Variants in TBC1D4 observed in about 807,000 individuals in gnomAD.
The protein encoded by TBC1D4 is TBC1 domain family member 4.
In TBC1D4, 121 loss-of-function variants were observed where a neutral mutation model predicts 142.5. The ratio of observed to expected loss-of-function variants is 0.85; its 90% CI spans 0.73 to 0.99. TBC1D4 has a LOEUF of 0.99. Ranked by LOEUF, TBC1D4 falls within the 50% of genes least tolerant of loss-of-function variation. The pLI is 0.00. For missense variants in TBC1D4, 1,475 were observed against 1,606.6 expected (o/e 0.92, Z 1.40); for synonymous variants, 630 against 628.2 (o/e 1.00, Z -0.04).
chr13:75,385,301 A>G (rs900274013), intron 1 of TBC1D4, among the ~76,000 whole-genome samples: 1 of 152,178 alleles, frequency 6.6e-6, no homozygotes, highest in African/African-American at 2.4e-5. Flanking sequence ...ACCTATCCCA[A>G]GCACAAGGCC....
chr13:75,403,532 CCAA>C (rs971243109), intron 1 of TBC1D4, among the ~76,000 whole-genome samples: 5 of 151,960 alleles, frequency 3.3e-5, no homozygotes, highest in Non-Finnish European at 5.9e-5. Context: ...TTAAACAACC[CCAA>C]CATTTCCAAA....
intron 1 of TBC1D4, among the ~76,000 whole-genome samples, chr13:75,453,588 G>A (rs139849206): frequency 2.6e-4 from 40 of 152,226 alleles, no homozygotes; most frequent in African/African-American, 7.0e-4. Flanking sequence ...TTGGCTGGGC[G>A]CGGTGGCTCA....
intron 19 of TBC1D4, among the ~76,000 whole-genome samples, chr13:75,289,653 T>C (rs1456403445): frequency 2.0e-5 from 3 of 152,178 alleles, no homozygotes; most frequent in Admixed American, 6.5e-5. Flanking sequence ...CTATTCCCTG[T>C]AAGCCTCTTA....
chr13:75,419,034 T>C (rs1259770214), intron 1 of TBC1D4, among the ~76,000 whole-genome samples: 1 of 152,144 alleles, frequency 6.6e-6, no homozygotes, highest in Non-Finnish European at 1.5e-5. Context: ...TTGTTTTGTG[T>C]AACTATTAAT....
rs114136300 is a variant in TBC1D4, at chr13:75,466,593, G to A, written c.498+14677C>T. Among the ~76,000 whole-genome samples, 778 of 152,122 alleles carry A rather than the reference G, an allele frequency of 5.1e-3. 15 individuals are homozygous for A. The highest frequency in any genetic ancestry group is 0.018 in the African/African-American group (753 of 41,496). ...GCTTTTAAAAATATATCATCTGATG[G>A]CCAGCATGGTGGCTCACACCTGTAA... is the stretch of plus-strand genomic sequence containing the variant. On this transcript the variant is annotated intron_variant, in intron 1 of 20. Transcript: ENST00000377636.
intron 1 of TBC1D4, among the ~76,000 whole-genome samples, chr13:75,466,153 C>G (rs998944654): frequency 1.3e-5 from 2 of 152,226 alleles, no homozygotes; most frequent in Non-Finnish European, 1.5e-5. Context: ...TAGACTTTGA[C>G]TCTTTTCATC....
intron 1 of TBC1D4, among the ~76,000 whole-genome samples, chr13:75,382,977 CTA>C (rs941285373): frequency 1.3e-5 from 2 of 152,178 alleles, no homozygotes; most frequent in Non-Finnish European, 2.9e-5. Flanking sequence ...CATTAGAATT[CTA>C]TCTCTGTATA....
intron 1 of TBC1D4, among the ~76,000 whole-genome samples, chr13:75,433,522 C>A (rs968944286): frequency 1.3e-5 from 2 of 152,114 alleles, no homozygotes; most frequent in African/African-American, 4.8e-5. Context: ...GATAGGGAAG[C>A]ATATGTGTAA....
chr13:75,469,836 A>G lies in TBC1D4; in HGVS notation c.498+11434T>C, dbSNP rs138208821. Among the ~76,000 whole-genome samples the G allele has an allele frequency of 2.6e-5, 4 of 152,328 alleles. No homozygotes were observed. The East Asian group carries it at 7.7e-4, about 29-fold the overall frequency. On this transcript the variant is annotated intron_variant, in intron 1 of 20. Transcript: ENST00000377636. Reference sequence around the variant, plus strand: ...AATGTGACTTGCCTCAATGATTGAAATTGGTGAGTGAAAAAGTAGGATTCA... The same window carrying G: ...AATGTGACTTGCCTCAATGATTGAAGTTGGTGAGTGAAAAAGTAGGATTCA...
At chr13:75,341,309 C>T (rs528048736) in intron 6 of TBC1D4, 74 bp from the exon 7 acceptor site, 55 of 1,458,136 alleles carry the variant, frequency 3.8e-5, no homozygotes, top group East Asian at 2.0e-4. Flanking sequence ...GGCAGACAAA[C>T]GTAAATAAAG....
chr13:75,411,062 G>A (rs978806690), intron 1 of TBC1D4, among the ~76,000 whole-genome samples: 1 of 149,994 alleles, frequency 6.7e-6, no homozygotes, highest in East Asian at 2.0e-4. Context: ...TCAGGCCACA[G>A]AGATAAAAAA....
At chr13:75,475,461 G>A (rs1249830576) in intron 1 of TBC1D4, among the ~76,000 whole-genome samples, 4 of 152,180 alleles carry the variant, frequency 2.6e-5, no homozygotes, top group Non-Finnish European at 5.9e-5. Context: ...CAGAAGCCTT[G>A]AGGTTTTTTT....
At chr13:75,341,392 T>C in intron 6 of TBC1D4, 104 bp downstream of exon 6, 1 of 1,274,762 alleles carries the variant, frequency 7.8e-7, no homozygotes, top group Non-Finnish European at 1.1e-6. Flanking sequence ...CTCTAGGTCA[T>C]GCATCTTTAG....
At chr13:75,373,180 T>C (rs542126754) in intron 1 of TBC1D4, among the ~76,000 whole-genome samples, 4 of 152,172 alleles carry the variant, frequency 2.6e-5, no homozygotes, top group Non-Finnish European at 4.4e-5. Flanking sequence ...GCTGTAATAT[T>C]ATCAGGAAAC....
chr13:75,292,042 A>G, intron 19 of TBC1D4, 60 bp downstream of exon 19: 1 of 1,412,798 alleles, frequency 7.1e-7, no homozygotes, highest in African/African-American at 1.4e-5. Flanking sequence ...AGGCTAAAGC[A>G]TTTAATATAT....
intron 5 of TBC1D4, among the ~76,000 whole-genome samples, chr13:75,344,687 G>T (rs187235177): frequency 3.6e-4 from 55 of 152,174 alleles, no homozygotes; most frequent in Non-Finnish European, 5.9e-4. Context: ...ATGGCTGACT[G>T]TTCCTCCTGG....
At chr13:75,432,633 C>A (rs563758018) in intron 1 of TBC1D4, among the ~76,000 whole-genome samples, 28 of 152,176 alleles carry the variant, frequency 1.8e-4, no homozygotes, top group African/African-American at 6.7e-4. Flanking sequence ...ATAGTTAATA[C>A]TTAAACGGAA....
At chr13:75,309,546 T>A (rs1877527522) in intron 14 of TBC1D4, among the ~76,000 whole-genome samples, 1 of 152,102 alleles carries the variant, frequency 6.6e-6, no homozygotes, top group Non-Finnish European at 1.5e-5. Flanking sequence ...AACTTGAAAA[T>A]CACATTCAAA....
chr13:75,452,629 GCATAAC>G (rs1246108860), intron 1 of TBC1D4, among the ~76,000 whole-genome samples: 5 of 152,260 alleles, frequency 3.3e-5, no homozygotes, highest in Non-Finnish European at 5.9e-5. Flanking sequence ...ACATTCCATT[GCATAAC>G]CATTCCACAG....
Sources: gnomAD v4.1 joint callset for allele counts (sites outside exome capture counted in the v4.1 genomes callset) on GRCh38, gnomAD v4.1.1 for gene constraint, MANE v1.5 for transcripts, NCBI Gene and HGNC (gene_info 2026-07-23, HGNC 2026-07-21) for gene names.